Variants in THEMIS observed in about 807,000 individuals in gnomAD.
THEMIS encodes the protein thymocyte selection associated.
THEMIS carries 37 observed loss-of-function variants against 52.6 expected under a neutral mutation model. That is an observed-to-expected ratio of 0.70 (90% CI 0.54 to 0.93). The LOEUF (loss-of-function observed/expected upper bound fraction) is 0.93. Ranked by LOEUF, THEMIS falls within the 40% of genes least tolerant of loss-of-function variation. THEMIS has a pLI of 0.00. For synonymous variants in THEMIS, 292 were observed against 272.7 expected (o/e 1.07, Z -0.70); for missense variants, 808 against 763.1 (o/e 1.06, Z -0.69).
Position 127,814,634 on chromosome 6 carries a change from C to T in THEMIS, c.710-703G>A, listed in dbSNP as rs115808478. ...GGAGTGGTGCAGAGTGGGTCACAAT[C>T]AGAGGAGCCATTCAAGAGCCCTAGG... is the stretch of plus-strand genomic sequence containing the variant. On this transcript the variant is annotated intron_variant, in intron 3 of 5. Transcript: ENST00000368248. Among the ~76,000 whole-genome samples, 428 of 152,252 alleles carry T rather than the reference C, an allele frequency of 2.8e-3. 2 individuals are homozygous for T. Among genetic ancestry groups the T allele is most frequent in the African/African-American group, 9.5e-3 (396 of 41,544 alleles).
At chr6:127,874,487 G>A (rs1780254703) in intron 1 of THEMIS, among the ~76,000 whole-genome samples, 1 of 152,092 alleles carries the variant, frequency 6.6e-6, no homozygotes, top group Non-Finnish European at 1.5e-5. Context: ...ATGGATTCAT[G>A]ACATACCTAA....
intron 4 of THEMIS, among the ~76,000 whole-genome samples, chr6:127,804,133 CA>C (rs1777625307): frequency 6.6e-6 from 1 of 151,888 alleles, no homozygotes; most frequent in African/African-American, 2.4e-5. Flanking sequence ...AGACTGAGCT[CA>C]AAGGCACTTG....
Position 127,742,575 on chromosome 6 carries a change from A to G in THEMIS, c.1759-22752T>C, listed in dbSNP as rs144181087. ...ATATTTTACATAGATACAATGGGAT[A>G]TTATTCAGACTTAAAAAGGAAAGTA... is the stretch of plus-strand genomic sequence containing the variant. On this transcript the variant is annotated intron_variant, in intron 4 of 5. Coordinates refer to ENST00000368248, the MANE Select transcript of THEMIS (RefSeq NM_001010923.3). Among the ~76,000 whole-genome samples the G allele has an allele frequency of 2.7e-3, 408 of 152,284 alleles. 1 individual carries two copies. The highest frequency in any genetic ancestry group is 5.7e-3 in the Admixed American group (87 of 15,284).
chr6:127,764,768 A>G (rs556127556), intron 4 of THEMIS, among the ~76,000 whole-genome samples: 67 of 152,130 alleles, frequency 4.4e-4, no homozygotes, highest in African/African-American at 1.6e-3. Context: ...ATTACTTAAA[A>G]TATCTAGAAG....
chr6:127,891,300 G>A (rs1780797332), intron 1 of THEMIS, among the ~76,000 whole-genome samples: 1 of 151,976 alleles, frequency 6.6e-6, no homozygotes, highest in African/African-American at 2.4e-5. Context: ...GGAGGCCAAG[G>A]CAGATGGATC....
Position 127,813,214 on chromosome 6 carries a change from G to A in THEMIS, c.1427C>T (p.Thr476Ile). 6.2e-7 allele frequency: 1 copy of A among 1,614,108 alleles called. No homozygotes were observed. Among genetic ancestry groups the A allele is most frequent in the Non-Finnish European group, 8.5e-7 (1 of 1,180,010 alleles). Residue 476 changes from threonine (T) to isoleucine (I), a missense_variant, in exon 4 of 6, where the codon ACA becomes ATA. Coordinates refer to ENST00000368248, the MANE Select transcript of THEMIS (RefSeq NM_001010923.3). The stretch of plus-strand genomic sequence containing the variant: ...GTCCTCCTCCAACTGCAGTCCTGGT[G>A]TGGCAGCCAACACGTCCTCTTCAAT... ...LSIEEDVLAA[T>I]PGLQLEEDIT...
At chr6:127,853,712 AC>A (rs951696247) in intron 2 of THEMIS, among the ~76,000 whole-genome samples, 4 of 151,626 alleles carry the variant, frequency 2.6e-5, no homozygotes, top group African/African-American at 9.7e-5. Context: ...AAAAGCTGAC[AC>A]TTTTTTATGC....
intron 4 of THEMIS, among the ~76,000 whole-genome samples, chr6:127,753,970 T>G (rs1436566436): frequency 1.3e-5 from 2 of 152,076 alleles, no homozygotes; most frequent in Non-Finnish European, 2.9e-5. Flanking sequence ...CTTTGGGAAG[T>G]GACAAATATA....
intron 4 of THEMIS, among the ~76,000 whole-genome samples, chr6:127,799,944 T>C (rs1023686304): frequency 2.0e-5 from 3 of 152,290 alleles, no homozygotes; most frequent in African/African-American, 7.2e-5. Flanking sequence ...CAATTTTTAT[T>C]AGGGGAAAAA....
chr6:127,791,481 T>C (rs1223485895), intron 4 of THEMIS, among the ~76,000 whole-genome samples: 1 of 152,146 alleles, frequency 6.6e-6, no homozygotes, highest in African/African-American at 2.4e-5. Context: ...GGGGAGAAAG[T>C]AGGTGCTGAT....
At chr6:127,851,560 T>C (rs968610763) in intron 2 of THEMIS, among the ~76,000 whole-genome samples, 1 of 151,736 alleles carries the variant, frequency 6.6e-6, no homozygotes, top group Non-Finnish European at 1.5e-5. Flanking sequence ...CCAAAGAAGA[T>C]GTACTGATAG....
the THEMIS span, among the ~76,000 whole-genome samples, chr6:127,700,592 T>C: frequency 6.6e-6 from 1 of 152,026 alleles, no homozygotes; most frequent in East Asian, 1.9e-4. Context: ...GTACTTCTTA[T>C]CTTTTATTAG....
chr6:127,765,971 T>C (rs891083013), intron 4 of THEMIS, among the ~76,000 whole-genome samples: 2 of 152,164 alleles, frequency 1.3e-5, no homozygotes, highest in Admixed American at 6.5e-5. Flanking sequence ...TCAATTATTC[T>C]TAAATTTTTA....
At chr6:127,893,286 G>C (rs556127984) in intron 1 of THEMIS, among the ~76,000 whole-genome samples, 1 of 152,050 alleles carries the variant, frequency 6.6e-6, no homozygotes, top group South Asian at 2.1e-4. Flanking sequence ...TGAAATAATT[G>C]ACCAGTTTCT....
the THEMIS span, among the ~76,000 whole-genome samples, chr6:127,703,052 T>TG: frequency 1.6e-4 from 17 of 109,200 alleles, no homozygotes; most frequent in Non-Finnish European, 2.9e-4. Flanking sequence ...TTTTTTTTTT[T>TG]TTTTTTTTTT....
chr6:127,855,020 T>A lies in THEMIS; in HGVS notation c.250+10A>T, dbSNP rs373600766. 3.6e-5 allele frequency: 57 copies of A among 1,583,146 alleles called. No homozygotes were observed. The African/African-American group carries it at 6.0e-4, about 17-fold the overall frequency. On this transcript the variant is annotated intron_variant, in intron 2 of 5. Transcript: ENST00000368248. ...TTGTACAAATGATAAGTGGTTGCAA[T>A]GTGCTGTACCTGGAAAATTCATAGG...
At chr6:127,909,483 G>T (rs1781357716) in intron 1 of THEMIS, among the ~76,000 whole-genome samples, 1 of 152,112 alleles carries the variant, frequency 6.6e-6, no homozygotes, top group Non-Finnish European at 1.5e-5. Context: ...GCCATGTGAA[G>T]AAGGACATGT....
chr6:127,836,200 G>A (rs1778869457), intron 2 of THEMIS, among the ~76,000 whole-genome samples: 1 of 152,080 alleles, frequency 6.6e-6, no homozygotes. Context: ...AAGAGTTTGG[G>A]AGCCATGTGG....
downstream of THEMIS, among the ~76,000 whole-genome samples, chr6:127,704,695 T>C (rs534004536): frequency 4.6e-5 from 7 of 152,310 alleles, no homozygotes; most frequent in Admixed American, 2.0e-4. Context: ...CTTTGCAAGA[T>C]AGAAGCAGCA....
Sources: gnomAD v4.1 joint callset for allele counts (sites outside exome capture counted in the v4.1 genomes callset) on GRCh38, gnomAD v4.1.1 for gene constraint, MANE v1.5 for transcripts, NCBI Gene and HGNC (gene_info 2026-07-23, HGNC 2026-07-21) for gene names.